The following PTPRO variants were observed in gnomAD, a reference collection of about 807,000 sequenced individuals.
PTPRO encodes protein tyrosine phosphatase receptor type O.
Under a neutral mutation model 145.2 loss-of-function variants are expected in PTPRO, and 62 were observed. That is an observed-to-expected ratio of 0.43 (90% CI 0.35 to 0.53). The LOEUF is 0.53. PTPRO is among the 20% of genes least tolerant of loss of function. The probability of loss-of-function intolerance (pLI) is 0.01; values close to 1 mark genes in which losing one functional copy is unlikely to be tolerated. For missense variants in PTPRO, 1,345 were observed against 1,482.7 expected (o/e 0.91, Z 1.53); for synonymous variants, 565 against 514.7 (o/e 1.10, Z -1.32).
intron 7 of PTPRO, among the ~76,000 whole-genome samples, chr12:15,512,934 C>T (rs1240492504): frequency 6.6e-6 from 1 of 151,606 alleles, no homozygotes; most frequent in Admixed American, 6.6e-5. Flanking sequence ...GCAGAGGTTG[C>T]AGTGAGCCAA....
chr12:15,338,273 C>T (rs186001122), intron 1 of PTPRO, among the ~76,000 whole-genome samples: 42 of 152,182 alleles, frequency 2.8e-4, no homozygotes, highest in African/African-American at 9.9e-4. Context: ...TCAAAGCTTG[C>T]TTTGTTTTGT....
At chr12:15,508,294 G>A (rs1200437940) in intron 6 of PTPRO, among the ~76,000 whole-genome samples, 1 of 152,138 alleles carries the variant, frequency 6.6e-6, no homozygotes, top group Non-Finnish European at 1.5e-5. Context: ...TTTCTCAGGT[G>A]AAGAATTTAC....
At chr12:15,473,410 G>A (rs1335865491) in intron 1 of PTPRO, among the ~76,000 whole-genome samples, 1 of 152,082 alleles carries the variant, frequency 6.6e-6, no homozygotes, top group African/African-American at 2.4e-5. Context: ...CAAAACATCC[G>A]GTGAACGTAA....
intron 12 of PTPRO, among the ~76,000 whole-genome samples, chr12:15,531,738 T>C (rs1414390558): frequency 6.6e-6 from 1 of 152,202 alleles, no homozygotes; most frequent in Non-Finnish European, 1.5e-5. Context: ...AATTTCAATA[T>C]GTAATTTTCA....
chr12:15,461,785 C>G (rs1031263032), intron 1 of PTPRO, among the ~76,000 whole-genome samples: 2 of 151,968 alleles, frequency 1.3e-5, no homozygotes, highest in Admixed American at 1.3e-4. Flanking sequence ...CCATGATGGT[C>G]TCGACCTCCT....
intron 12 of PTPRO, among the ~76,000 whole-genome samples, chr12:15,530,437 T>G (rs1045789016): frequency 3.9e-5 from 6 of 152,182 alleles, no homozygotes; most frequent in Non-Finnish European, 8.8e-5. Flanking sequence ...TTGTTTTCAC[T>G]GCACATGGAA....
intron 19 of PTPRO, among the ~76,000 whole-genome samples, chr12:15,576,730 C>T (rs1390858833): frequency 6.6e-6 from 1 of 152,050 alleles, no homozygotes; most frequent in East Asian, 1.9e-4. Flanking sequence ...TTGATAATCA[C>T]TATAAAAAAG....
intron 17 of PTPRO, among the ~76,000 whole-genome samples, chr12:15,561,166 T>C (rs1361201644): frequency 6.6e-6 from 1 of 152,090 alleles, no homozygotes; most frequent in African/African-American, 2.4e-5. Context: ...TACTAAATTA[T>C]GTACAGACAG....
intron 1 of PTPRO, among the ~76,000 whole-genome samples, chr12:15,448,028 T>C (rs1254302241): frequency 6.6e-6 from 1 of 152,074 alleles, no homozygotes; most frequent in African/African-American, 2.4e-5. Context: ...TTTCAAATAT[T>C]CCAAATGGCA....
chr12:15,447,538 A>G (rs962948907), intron 1 of PTPRO, among the ~76,000 whole-genome samples: 6 of 152,148 alleles, frequency 3.9e-5, no homozygotes, highest in Non-Finnish European at 1.5e-5. Context: ...CACTGACAAA[A>G]TTAGATGTAG....
intron 9 of PTPRO, chr12:15,517,190 G>A: frequency 1.8e-6 from 1 of 567,988 alleles, no homozygotes; most frequent in Non-Finnish European, 3.1e-6. Context: ...TCACAATCAT[G>A]ACAGAAGGCA....
At chr12:15,361,613 A>C (rs1008412282) in intron 1 of PTPRO, among the ~76,000 whole-genome samples, 2 of 152,158 alleles carry the variant, frequency 1.3e-5, no homozygotes, top group African/African-American at 4.8e-5. Context: ...TCTGTCAAAT[A>C]AATGTTACCA....
At chr12:15,359,130 G>A (rs1051983632) in intron 1 of PTPRO, among the ~76,000 whole-genome samples, 5 of 152,152 alleles carry the variant, frequency 3.3e-5, no homozygotes, top group Admixed American at 2.6e-4. Context: ...AGATCACCTT[G>A]TATTTTCCAG....
At chr12:15,548,069 G>C (rs994634749) in intron 13 of PTPRO, among the ~76,000 whole-genome samples, 34 of 152,226 alleles carry the variant, frequency 2.2e-4, no homozygotes. Flanking sequence ...GCAGACAAAG[G>C]TGTAGTGTCC....
chr12:15,382,825 A>G (rs1938904636), intron 1 of PTPRO, among the ~76,000 whole-genome samples: 1 of 152,160 alleles, frequency 6.6e-6, no homozygotes, highest in African/African-American at 2.4e-5. Context: ...GTCTTTTTAG[A>G]ATTGTATTTT....
At chr12:15,576,474 T>TGCTCAAAC (rs770683677) in intron 19 of PTPRO, among the ~76,000 whole-genome samples, 20 of 152,220 alleles carry the variant, frequency 1.3e-4, no homozygotes, top group Admixed American at 3.3e-4. Context: ...CTTCCACATG[T>TGCTCAAAC]GCTCAAACGC....
At chr12:15,376,278 G>C (rs955637367) in intron 1 of PTPRO, among the ~76,000 whole-genome samples, 5 of 152,090 alleles carry the variant, frequency 3.3e-5, no homozygotes, top group Admixed American at 1.3e-4. Context: ...AAATCAGGGA[G>C]GCAAAAATAC....
chr12:15,404,941 T>A (rs1427068374), intron 1 of PTPRO, among the ~76,000 whole-genome samples: 1 of 152,206 alleles, frequency 6.6e-6, no homozygotes, highest in Non-Finnish European at 1.5e-5. Flanking sequence ...TGGTGAGGGC[T>A]GTCTTCCTGA....
At chr12:15,542,074 G>A (rs1367213323) in intron 12 of PTPRO, among the ~76,000 whole-genome samples, 2 of 152,022 alleles carry the variant, frequency 1.3e-5, no homozygotes, top group African/African-American at 4.8e-5. Flanking sequence ...GAATTTAGGC[G>A]GAGGGGATAT....
Sources: allele counts gnomAD v4.1 joint callset (sites outside exome capture counted in the v4.1 genomes callset), GRCh38; gene constraint gnomAD v4.1.1; transcripts MANE v1.5; gene names NCBI Gene and HGNC (gene_info 2026-07-23, HGNC 2026-07-21).